Variants in FGF1 observed in about 807,000 individuals in gnomAD.
FGF1 encodes beta-endothelial cell growth factor.
A neutral mutation model predicts 13.4 loss-of-function variants in FGF1; 9 were observed. That is an observed-to-expected ratio of 0.67 (90% confidence interval 0.40 to 1.17). FGF1 has a LOEUF of 1.17. Among genes scored for constraint, FGF1 ranks in the 50% most tolerant of loss-of-function variants. The probability of loss-of-function intolerance (pLI) is 0.01; values close to 1 mark genes in which losing one functional copy is unlikely to be tolerated. For synonymous variants in FGF1, 93 were observed against 79.0 expected (o/e 1.18, Z -0.94); for missense variants, 156 against 192.7 (o/e 0.81, Z 1.13).
chr5:142,598,317 A>G (rs1284917382), intron 3 of FGF1, among the ~76,000 whole-genome samples: 3 of 152,220 alleles, frequency 2.0e-5, no homozygotes, highest in Admixed American at 2.0e-4. Context: ...CTGAGTCAGC[A>G]GGCCAGATCA....
chr5:142,670,738 C>T (rs1329620919), intron 1 of FGF1, among the ~76,000 whole-genome samples: 9 of 152,136 alleles, frequency 5.9e-5, no homozygotes, highest in Non-Finnish European at 1.0e-4. Flanking sequence ...TACGATGTGC[C>T]TCACAGTTAT....
rs144123691 is a variant in FGF1, at chr5:142,625,873, A to G, written c.-34-11712T>C. Among the ~76,000 whole-genome samples the G allele has an allele frequency of 2.2e-3, 342 of 152,368 alleles. 2 individuals carry two copies. The highest frequency in any genetic ancestry group is 7.9e-3 in the African/African-American group (329 of 41,586). ...TCAGCCAACATTCCAGCTTATAGGAAGATGGTCTGTTGGCTGCATCTTTTT... is the reference window on the plus strand; with the variant it reads ...TCAGCCAACATTCCAGCTTATAGGAGGATGGTCTGTTGGCTGCATCTTTTT... On this transcript the variant is annotated intron_variant, in intron 1 of 3. Transcript: ENST00000337706.
At chr5:142,689,856 G>T (rs1003849674), upstream of FGF1, among the ~76,000 whole-genome samples, 38 of 150,396 alleles carry the variant, frequency 2.5e-4, no homozygotes, top group African/African-American at 9.2e-4. Flanking sequence ...CCGCTACCAC[G>T]CCTGGCCAGT....
At chr5:142,638,802 TA>T (rs1347999073) in intron 1 of FGF1, among the ~76,000 whole-genome samples, 7 of 151,976 alleles carry the variant, frequency 4.6e-5, no homozygotes, top group African/African-American at 1.7e-4. Flanking sequence ...ATCCAGAATA[TA>T]TAAGGAACCC....
At chr5:142,631,228 A>C (rs960606511) in intron 1 of FGF1, among the ~76,000 whole-genome samples, 6 of 152,222 alleles carry the variant, frequency 3.9e-5, no homozygotes, top group African/African-American at 1.4e-4. Context: ...TATAGAAAAA[A>C]GTGAAGCAAA....
Position 142,640,434 on chromosome 5 carries a change from G to GGA in FGF1, c.-34-26274_-34-26273insTC, listed in dbSNP as rs1289971135. Among the ~76,000 whole-genome samples the GGA allele has an allele frequency of 1.3e-5, 2 of 149,642 alleles. 1 individual carries two copies. The highest frequency in any genetic ancestry group is 3.0e-5 in the Non-Finnish European group (2 of 67,208). On this transcript the variant is annotated intron_variant, in intron 1 of 3. Coordinates refer to ENST00000337706, the MANE Select transcript of FGF1 (RefSeq NM_000800.5). Reference sequence around the variant, plus strand: ...CAGGAGGTGGAGTATGGTGGGGGGGGGGGTCTCTCTGAGAAGCGGCATTGG... The same window carrying GGA: ...CAGGAGGTGGAGTATGGTGGGGGGGGGAGGGTCTCTCTGAGAAGCGGCATTGG...
At chr5:142,601,615 T>A (rs1052469610) in intron 2 of FGF1, among the ~76,000 whole-genome samples, 3 of 151,668 alleles carry the variant, frequency 2.0e-5, no homozygotes, top group Admixed American at 2.0e-4. Flanking sequence ...TTGTCACAGC[T>A]AGGGGGGGCG....
intron 1 of FGF1, among the ~76,000 whole-genome samples, chr5:142,626,349 A>C (rs958205488): frequency 1.3e-5 from 2 of 152,208 alleles, no homozygotes; most frequent in Non-Finnish European, 2.9e-5. Flanking sequence ...AGGCTCAGAA[A>C]GTTTATGTCA....
In FGF1 at chr5:142,598,745, C is replaced by T. The variant is rs17223856; in HGVS notation, c.273+1957G>A. 5.3e-5 allele frequency among the ~76,000 whole-genome samples: 8 copies of T among 152,150 alleles called. No homozygotes were observed. In the East Asian group the frequency reaches 1.3e-3, roughly 26 times the overall value. On this transcript the variant is annotated intron_variant, in intron 3 of 3. Coordinates refer to ENST00000337706, the MANE Select transcript of FGF1 (RefSeq NM_000800.5). The stretch of plus-strand genomic sequence containing the variant: ...TCTTTATCAATGGGGAAAATGCAAA[C>T]ATTCTTAGGCGTAATATACTAAGAT...
chr5:142,624,200 G>A (rs147244681), intron 1 of FGF1, among the ~76,000 whole-genome samples: 1,627 of 152,098 alleles, frequency 0.011, 38 homozygotes, highest in African/African-American at 0.038. Flanking sequence ...GATTACAGGC[G>A]TGAGCCACCA....
Position 142,595,356 on chromosome 5 carries a change from G to A in FGF1, c.402C>T (p.Arg134=), listed in dbSNP as rs372965702. The A allele has an allele frequency of 9.9e-6, 16 of 1,613,926 alleles. No homozygotes were observed. The highest frequency in any genetic ancestry group is 2.2e-5 in the East Asian group (1 of 44,888). The part of the protein sequence containing the change: ...VGLKKNGSCK[R]GPRTHYGQKA... Reference sequence around the variant, plus strand: ...TCTGGCCATAGTGAGTCCGAGGACCGCGTTTGCAGCTCCCATTCTTCTTGA... The same window carrying A: ...TCTGGCCATAGTGAGTCCGAGGACCACGTTTGCAGCTCCCATTCTTCTTGA... Residue 134 remains arginine, a synonymous_variant, in exon 4 of 4, where the codon CGC becomes CGT. Transcript: ENST00000337706.
intron 1 of FGF1, among the ~76,000 whole-genome samples, chr5:142,670,663 G>GA (rs1391277916): frequency 1.3e-5 from 2 of 152,080 alleles, no homozygotes; most frequent in African/African-American, 2.4e-5. Context: ...AAGAAATTAG[G>GA]AAAAAAACCC....
intron 1 of FGF1, among the ~76,000 whole-genome samples, chr5:142,646,646 T>C (rs1222457332): frequency 7.3e-5 from 11 of 151,204 alleles, no homozygotes; most frequent in South Asian, 6.3e-4. Flanking sequence ...CCACTGCGCC[T>C]GGCCCCGGCT....
At chr5:142,666,122 GT>G (rs371954428) in intron 1 of FGF1, among the ~76,000 whole-genome samples, 104,230 of 104,232 alleles carry the variant, frequency 1, 52,114 homozygotes, top group Non-Finnish European at 1. Context: ...TTGCTGAAAA[GT>G]TCTCAGACTT....
intron 2 of FGF1, among the ~76,000 whole-genome samples, chr5:142,695,932 C>T (rs1289017264): frequency 6.6e-6 from 1 of 152,162 alleles, no homozygotes; most frequent in African/African-American, 2.4e-5. Context: ...AGAGGGGAGA[C>T]AGCACCAAGG....
intron 1 of FGF1, among the ~76,000 whole-genome samples, chr5:142,635,464 C>T (rs192798283): frequency 3.9e-5 from 6 of 152,302 alleles, no homozygotes; most frequent in South Asian, 2.1e-4. Flanking sequence ...TATGCCCCCC[C>T]GCCCCTTCCA....
intron 2 of FGF1, among the ~76,000 whole-genome samples, chr5:142,608,887 C>G (rs1165309389): frequency 6.6e-6 from 1 of 151,582 alleles, no homozygotes; most frequent in East Asian, 1.9e-4. Flanking sequence ...GCAAGGAGTC[C>G]TTCCCATCAC....
intron 2 of FGF1, among the ~76,000 whole-genome samples, chr5:142,694,113 A>G (rs1022725859): frequency 6.7e-5 from 10 of 150,132 alleles, no homozygotes; most frequent in African/African-American, 1.7e-4. Context: ...CTATCTATCT[A>G]TCTATCTATC....
intron 2 of FGF1, among the ~76,000 whole-genome samples, chr5:142,602,758 A>G (rs1458528938): frequency 1.3e-5 from 2 of 152,038 alleles, no homozygotes; most frequent in African/African-American, 2.4e-5. Context: ...ATCTTTCTAC[A>G]TCAGGATGGA....
Sources: allele counts gnomAD v4.1 joint callset (sites outside exome capture counted in the v4.1 genomes callset), GRCh38; gene constraint gnomAD v4.1.1; transcripts MANE v1.5; gene names NCBI Gene and HGNC (gene_info 2026-07-23, HGNC 2026-07-21).